Variants in ATP8A1 observed in about 807,000 individuals in gnomAD.
ATP8A1 encodes the protein ATPase phospholipid transporting 8A1, also known as phospholipid-transporting ATPase IA.
A neutral mutation model predicts 177.7 loss-of-function variants in ATP8A1; 90 were observed. That is an observed-to-expected ratio of 0.51 (90% CI 0.43 to 0.60). The LOEUF (loss-of-function observed/expected upper bound fraction) is 0.60, where lower values mean the gene tolerates loss of function less well. Among genes scored for constraint, ATP8A1 ranks in the 20% least tolerant of loss-of-function variants. ATP8A1 has a pLI of 0.00. For missense variants in ATP8A1, 1,072 were observed against 1,392.8 expected (o/e 0.77, Z 3.67); for synonymous variants, 493 against 485.9 (o/e 1.01, Z -0.19).
chr4:42,626,791 T>G, intron 2 of ATP8A1: 1 of 584,956 alleles, frequency 1.7e-6, no homozygotes, highest in East Asian at 2.9e-5. Context: ...TGGGTGCTTA[T>G]TCTTTCTGCT....
At chr4:42,533,073 T>C (rs1437279955) in intron 20 of ATP8A1, among the ~76,000 whole-genome samples, 2 of 152,210 alleles carry the variant, frequency 1.3e-5, no homozygotes, top group Non-Finnish European at 2.9e-5. Context: ...GTGAACTCTC[T>C]TCACACGGAC....
At chr4:42,601,988 T>C (rs887013052) in intron 5 of ATP8A1, among the ~76,000 whole-genome samples, 16 of 110,268 alleles carry the variant, frequency 1.5e-4, no homozygotes, top group Non-Finnish European at 2.6e-4. Flanking sequence ...ATACATTATG[T>C]CTTAGCCATT....
rs1440841087 is a variant in ATP8A1, at chr4:42,408,452, G to T, written c.*4464C>A. 6.6e-6 allele frequency: 1 copy of T among 152,138 alleles called. No homozygotes were observed. Among genetic ancestry groups the T allele is most frequent in the Non-Finnish European group, 1.5e-5 (1 of 68,016 alleles). 9.4% of individuals were successfully genotyped at this position (152,138 alleles called of 1,614,324 possible). On this transcript the variant is annotated 3_prime_UTR_variant, in exon 37 of 37. Coordinates refer to ENST00000381668, the MANE Select transcript of ATP8A1 (RefSeq NM_006095.2). Reference sequence around the variant, plus strand: ...GTTTAAAATTTGCAGTTTAAAACATGCACATTCACAAAAGGCCAATGACAC... The same window carrying T: ...GTTTAAAATTTGCAGTTTAAAACATTCACATTCACAAAAGGCCAATGACAC...
At chr4:42,515,110 A>G (rs567436243) in intron 22 of ATP8A1, among the ~76,000 whole-genome samples, 3 of 152,370 alleles carry the variant, frequency 2.0e-5, no homozygotes, top group Admixed American at 1.3e-4. Context: ...AGGCCCTCCA[A>G]CTAAATAATC....
intron 1 of ATP8A1, among the ~76,000 whole-genome samples, chr4:42,648,123 A>G (rs1191986520): frequency 2.0e-5 from 3 of 152,238 alleles, no homozygotes; most frequent in Non-Finnish European, 4.4e-5. Context: ...CAATTCTCTT[A>G]ATATAAATTT....
At position 42,579,794 on chromosome 4, in the gene ATP8A1, T is replaced by TA; in HGVS notation, c.1000+18dup. On this transcript the variant is annotated intron_variant, in intron 11 of 36. Transcript: ENST00000381668. ...CATGTCTTAATCTAAAAAAGTGCAGTAAGCACTTTATTGCTTACAGTTTAG... is the reference window on the plus strand; with the variant it reads ...CATGTCTTAATCTAAAAAAGTGCAGTAAAGCACTTTATTGCTTACAGTTTAG... 2.5e-6 allele frequency: 4 copies of TA among 1,594,958 alleles called. No homozygotes were observed. Among genetic ancestry groups the TA allele is most frequent in the Non-Finnish European group, 3.4e-6 (4 of 1,170,094 alleles).
intron 29 of ATP8A1, 144 bp downstream of exon 29, chr4:42,455,153 A>T: frequency 9.6e-7 from 1 of 1,040,556 alleles, no homozygotes; most frequent in Non-Finnish European, 1.3e-6. Flanking sequence ...TCAGAACCTT[A>T]AGAAATATGA....
chr4:42,463,345 G>A (rs6817073), intron 27 of ATP8A1, among the ~76,000 whole-genome samples: 145,121 of 152,204 alleles, frequency 0.95, 69,540 homozygotes, highest in Non-Finnish European at 1. Flanking sequence ...CCATCTTGAG[G>A]TCTGATGGTT....
intron 1 of ATP8A1, among the ~76,000 whole-genome samples, chr4:42,638,885 A>G (rs868135273): frequency 1.3e-5 from 2 of 152,220 alleles, no homozygotes; most frequent in South Asian, 4.1e-4. Context: ...TGCACAGGAA[A>G]CAAGGCAGAC....
chr4:42,648,091 TGACTC>T (rs1279392521), intron 1 of ATP8A1, among the ~76,000 whole-genome samples: 1 of 152,150 alleles, frequency 6.6e-6, no homozygotes, highest in Non-Finnish European at 1.5e-5. Flanking sequence ...TAAGCATACA[TGACTC>T]AATATAAGAA....
rs149853589 is a variant in ATP8A1 at position 42,650,560 on chromosome 4, C to A, written c.49+6265G>T. On this transcript the variant is annotated intron_variant, in intron 1 of 36. Transcript: ENST00000381668. ...GGACAGCTTAAATTACTTTTTATTCCTTTTGTTACCTTTTATGTAAATAAA... is the reference window on the plus strand; with the variant it reads ...GGACAGCTTAAATTACTTTTTATTCATTTTGTTACCTTTTATGTAAATAAA... Among the ~76,000 whole-genome samples, 98 of 152,272 alleles carry A rather than the reference C, an allele frequency of 6.4e-4. 1 individual carries two copies. The highest frequency in any genetic ancestry group is 2.1e-3 in the African/African-American group (88 of 41,550).
intron 9 of ATP8A1, among the ~76,000 whole-genome samples, chr4:42,582,052 T>C (rs541190230): frequency 1.3e-5 from 2 of 152,118 alleles, no homozygotes; most frequent in Non-Finnish European, 2.9e-5. Context: ...CGGGAGCTAA[T>C]GTGATTTAGA....
intron 1 of ATP8A1, among the ~76,000 whole-genome samples, chr4:42,633,541 G>A (rs1253146552): frequency 2.0e-5 from 3 of 152,134 alleles, no homozygotes. Flanking sequence ...TTATTTTCTA[G>A]AGAAGAAAAA....
chr4:42,416,165 C>T (rs1165381861), intron 35 of ATP8A1, among the ~76,000 whole-genome samples: 1 of 152,098 alleles, frequency 6.6e-6, no homozygotes, highest in African/African-American at 2.4e-5. Flanking sequence ...CATTACAGAC[C>T]CATGGACCCT....
chr4:42,471,969 G>A (rs1017388673), intron 25 of ATP8A1: 2 of 700,896 alleles, frequency 2.9e-6, no homozygotes, highest in Admixed American at 1.8e-5. Flanking sequence ...AGCCTAAGTT[G>A]GTGGTGTCCA....
chr4:42,465,851 T>C (rs1009445068), intron 25 of ATP8A1, among the ~76,000 whole-genome samples: 18 of 151,868 alleles, frequency 1.2e-4, no homozygotes, highest in Admixed American at 4.6e-4. Context: ...GCTAACACGG[T>C]GAAACCCCGT....
At chr4:42,511,431 C>CA (rs1243351825) in intron 22 of ATP8A1, among the ~76,000 whole-genome samples, 2 of 150,282 alleles carry the variant, frequency 1.3e-5, no homozygotes, top group African/African-American at 2.4e-5. Context: ...TTATGGAATT[C>CA]AAAAAAAAAC....
rs555218393 is a variant in ATP8A1, at chr4:42,604,251, T to C, written c.410-3733A>G. 2.0e-5 allele frequency among the ~76,000 whole-genome samples: 3 copies of C among 152,348 alleles called. No individual in the cohort carries two copies. In the East Asian group the frequency reaches 5.8e-4, roughly 29 times the overall value. ...CTTCCTCCTCACCCCCAAATCTAAA[T>C]GAGCTCCGTGCACTTTTCCTTTAGA... On this transcript the variant is annotated intron_variant, in intron 5 of 36. Coordinates refer to ENST00000381668, the MANE Select transcript of ATP8A1 (RefSeq NM_006095.2).
chr4:42,626,979 CT>C lies in ATP8A1; in HGVS notation c.164+15del, dbSNP rs765748781. On this transcript the variant is annotated intron_variant, in intron 2 of 36. Coordinates refer to ENST00000381668, the MANE Select transcript of ATP8A1 (RefSeq NM_006095.2). ...CTCTGCTGGCTGGTCTCATGGCATT[CT>C]TTGGTAGTTCTTACCTGACATGGTT... 1.9e-6 allele frequency: 3 copies of C among 1,599,588 alleles called. No individual in the cohort carries two copies. The South Asian group carries it at 3.3e-5, about 18-fold the overall frequency.
Sources: allele counts gnomAD v4.1 joint callset (sites outside exome capture counted in the v4.1 genomes callset), GRCh38; gene constraint gnomAD v4.1.1; transcripts MANE v1.5; gene names NCBI Gene and HGNC (gene_info 2026-07-23, HGNC 2026-07-21).